EFR3A: variants seen among roughly 807,000 people sequenced by gnomAD.
EFR3A encodes the protein protein EFR3 homolog A.
In EFR3A, 76 loss-of-function variants were observed where a neutral mutation model predicts 104.4. The observed-to-expected ratio is 0.73, with a 90% CI of 0.60 to 0.88. The LOEUF (loss-of-function observed/expected upper bound fraction) is 0.88, where lower values mean the gene tolerates loss of function less well. EFR3A is among the 40% of genes least tolerant of loss of function. The pLI is 0.00. For missense variants in EFR3A, 985 were observed against 1,012.5 expected, an observed-to-expected ratio of 0.97 and a Z score of 0.37; for synonymous variants, 330 against 330.0, an observed-to-expected ratio of 1.00 and a Z score of 0.00.
chr8:131,942,259 G>T (rs1818202186), intron 2 of EFR3A, among the ~76,000 whole-genome samples: 1 of 152,038 alleles, frequency 6.6e-6, no homozygotes, highest in South Asian at 2.1e-4. Flanking sequence ...AAAAGGAAAA[G>T]ATCTACATGA....
intron 10 of EFR3A, 76 bp from the exon 11 acceptor site, chr8:131,975,951 T>C (rs1586636793): frequency 1.2e-6 from 1 of 847,686 alleles, no homozygotes; most frequent in Non-Finnish European, 1.9e-6. Flanking sequence ...TTGAAAACTT[T>C]GGCTAAAAAT....
chr8:132,011,044 A>G lies in EFR3A; in HGVS notation c.*149A>G, dbSNP rs542431487. 1,827 of 1,296,128 alleles carry G rather than the reference A, an allele frequency of 1.4e-3. 3 individuals carry two copies. The highest frequency in any genetic ancestry group is 1.7e-3 in the Non-Finnish European group (1,740 of 1,014,478). 80.3% of individuals were successfully genotyped at this position (1,296,128 alleles called of 1,614,324 possible). A position where few individuals can be genotyped will look rare whatever the true frequency, so the allele number is the denominator to read the frequency against. ...AACCAAATGTTTGGCATACCATATTAGAAGTTTTGGAGCTATATATAATTT... is the reference window on the plus strand; with the variant it reads ...AACCAAATGTTTGGCATACCATATTGGAAGTTTTGGAGCTATATATAATTT... On this transcript the variant is annotated 3_prime_UTR_variant, in exon 23 of 23. Transcript: ENST00000254624.
chr8:131,922,591 G>A (rs988177001), intron 1 of EFR3A, among the ~76,000 whole-genome samples: 1 of 152,078 alleles, frequency 6.6e-6, no homozygotes, highest in Non-Finnish European at 1.5e-5. Context: ...CACAACACTT[G>A]TCCATTGCTT....
At chr8:131,912,163 T>C (rs112050662) in intron 1 of EFR3A, among the ~76,000 whole-genome samples, 2,765 of 152,128 alleles carry the variant, frequency 0.018, 42 homozygotes, top group Admixed American at 0.052. Context: ...GGCCCAACAA[T>C]AGGTTAACTG....
chr8:132,007,309 G>GGGTATTCAAGGTC (rs757641875), intron 22 of EFR3A, among the ~76,000 whole-genome samples: 82 of 151,956 alleles, frequency 5.4e-4, no homozygotes, highest in Non-Finnish European at 9.4e-4. Flanking sequence ...ACAGGATTCA[G>GGGTATTCAAGGTC]GGTATTCAAG....
At chr8:131,916,977 T>G (rs1322188838) in intron 1 of EFR3A, among the ~76,000 whole-genome samples, 1 of 152,196 alleles carries the variant, frequency 6.6e-6, no homozygotes, top group African/African-American at 2.4e-5. Flanking sequence ...ATTGTCAAAT[T>G]ATAATTGGGT....
rs948784033 is a variant in EFR3A, at chr8:131,973,320, G to A, written c.1159+2677G>A. 3.9e-5 allele frequency among the ~76,000 whole-genome samples: 6 copies of A among 151,928 alleles called. No individual in the cohort carries two copies. The East Asian group carries it at 5.8e-4, about 15-fold the overall frequency. On this transcript the variant is annotated intron_variant, in intron 10 of 22. Coordinates refer to ENST00000254624, the MANE Select transcript of EFR3A (RefSeq NM_015137.6). Reference sequence around the variant, plus strand: ...TTTCGGTTATTTATAGATTTTTTGCGATATTCGAGGATGTTAAATCAGCTA... The same window carrying A: ...TTTCGGTTATTTATAGATTTTTTGCAATATTCGAGGATGTTAAATCAGCTA...
chr8:131,933,182 T>C (rs146298236), intron 1 of EFR3A, among the ~76,000 whole-genome samples: 33 of 152,270 alleles, frequency 2.2e-4, no homozygotes, highest in African/African-American at 7.2e-4. Flanking sequence ...TGTTTCAGTT[T>C]TTATTTTTGC....
At chr8:132,002,492 T>G in intron 20 of EFR3A, 111 bp from the exon 21 acceptor site, 1 of 779,796 alleles carries the variant, frequency 1.3e-6, no homozygotes, top group Non-Finnish European at 2.0e-6. Flanking sequence ...ATAGAAGCCC[T>G]GTAAATTGCC....
rs764374404 is a variant in EFR3A, at chr8:131,955,813, G to T, written c.684G>T (p.Glu228Asp). The change falls in exon 7 of 23, where the codon GAG (glutamate) becomes GAT (aspartate). Residue 228 changes from glutamate to aspartate, a missense_variant. Glu to Asp is a conservative substitution (Grantham distance 45). Coordinates refer to ENST00000254624, the MANE Select transcript of EFR3A (RefSeq NM_015137.6). ...CTCCTTCTGCAACTGACAAAGAAGA[G>T]AATCCTGCTGTGCTGGCTGAAAACT... ...PSSPSATDKE[E>D]NPAVLAENCF... is the part of the protein sequence containing the mutation. 13 of 1,613,360 alleles carry T rather than the reference G, an allele frequency of 8.1e-6. No homozygotes were observed. Among genetic ancestry groups the T allele is most frequent in the Non-Finnish European group, 1.1e-5 (13 of 1,179,550 alleles).
At chr8:131,976,207 A>C in intron 11 of EFR3A, 66 bp downstream of exon 11, 1 of 1,054,254 alleles carries the variant, frequency 9.5e-7, no homozygotes, top group South Asian at 1.5e-5. Flanking sequence ...GAAATCTAGA[A>C]AATGTTAACG....
chr8:131,998,883 G>A (rs1017583707), intron 19 of EFR3A, among the ~76,000 whole-genome samples: 3 of 151,742 alleles, frequency 2.0e-5, no homozygotes, highest in African/African-American at 7.3e-5. Flanking sequence ...GCATATATGT[G>A]TGTATACACA....
intron 5 of EFR3A, among the ~76,000 whole-genome samples, chr8:131,952,668 CTCTT>C (rs758902130): frequency 1.3e-5 from 2 of 152,120 alleles, no homozygotes; most frequent in Non-Finnish European, 2.9e-5. Flanking sequence ...TCTCTCAAGA[CTCTT>C]TATGTTTTAA....
chr8:131,926,610 T>TA (rs1167422920), intron 1 of EFR3A, among the ~76,000 whole-genome samples: 1 of 151,614 alleles, frequency 6.6e-6, no homozygotes, highest in Non-Finnish European at 1.5e-5. Context: ...GTTGTTTTTT[T>TA]AAAAAAAAAT....
chr8:131,919,665 A>C (rs1816907970), intron 1 of EFR3A, among the ~76,000 whole-genome samples: 1 of 151,902 alleles, frequency 6.6e-6, no homozygotes, highest in South Asian at 2.1e-4. Flanking sequence ...TACATTAAAC[A>C]AAATCCCTGG....
chr8:131,995,009 C>T (rs2130786791), intron 18 of EFR3A, among the ~76,000 whole-genome samples: 1 of 152,224 alleles, frequency 6.6e-6, no homozygotes, highest in Admixed American at 6.5e-5. Context: ...GAATTCTCTT[C>T]TGTATCATAA....
rs1035116269 is a variant in EFR3A at position 132,013,246 on chromosome 8, T to A, written c.*2351T>A. On this transcript the variant is annotated 3_prime_UTR_variant, in exon 23 of 23. Transcript: ENST00000254624. ...TCACTCTTTCTTTCATGACATTGGTTAACATTTAAATGTTCCTCCTGTACT... is the reference window on the plus strand; with the variant it reads ...TCACTCTTTCTTTCATGACATTGGTAAACATTTAAATGTTCCTCCTGTACT... 2.6e-5 allele frequency: 4 copies of A among 152,616 alleles called. No individual in the cohort carries two copies. The highest frequency in any genetic ancestry group is 5.9e-5 in the Non-Finnish European group (4 of 68,026). 9.5% of individuals were successfully genotyped at this position (152,616 alleles called of 1,614,324 possible).
intron 14 of EFR3A, among the ~76,000 whole-genome samples, chr8:131,982,845 A>G (rs1279250319): frequency 6.6e-6 from 1 of 152,156 alleles, no homozygotes; most frequent in Non-Finnish European, 1.5e-5. Flanking sequence ...AGAGAGAGAA[A>G]GAACGAGAGA....
intron 1 of EFR3A, among the ~76,000 whole-genome samples, chr8:131,936,389 T>C (rs1817883767): frequency 6.6e-6 from 1 of 152,122 alleles, no homozygotes; most frequent in Admixed American, 6.6e-5. Flanking sequence ...CTGGGTGTCC[T>C]CTGACGTAAT....
Sources: gnomAD v4.1 joint callset for allele counts (sites outside exome capture counted in the v4.1 genomes callset) on GRCh38, gnomAD v4.1.1 for gene constraint, MANE v1.5 for transcripts, NCBI Gene and HGNC (gene_info 2026-07-23, HGNC 2026-07-21) for gene names.